CDH12: variants seen among roughly 807,000 people sequenced by gnomAD.
CDH12 encodes the protein cadherin 12.
A neutral mutation model predicts 74.1 loss-of-function variants in CDH12; 41 were observed. The observed-to-expected ratio is 0.55, with a 90% CI of 0.43 to 0.72. The LOEUF is 0.72. Among genes scored for constraint, CDH12 ranks in the 30% least tolerant of loss-of-function variants. The pLI is 0.00. For missense variants in CDH12, 945 were observed against 977.2 expected (o/e 0.97, Z 0.44); for synonymous variants, 399 against 355.0 (o/e 1.12, Z -1.39).
intron 1 of CDH12, among the ~76,000 whole-genome samples, chr5:22,684,912 T>C (rs549391881): frequency 1.3e-5 from 2 of 152,266 alleles, no homozygotes; most frequent in East Asian, 3.9e-4. Flanking sequence ...GAACCAGACA[T>C]GACACATGAG....
intron 1 of CDH12, among the ~76,000 whole-genome samples, chr5:22,668,634 G>C (rs11743765): frequency 0.57 from 85,958 of 151,786 alleles, 24,558 homozygotes; most frequent in Non-Finnish European, 0.59. Context: ...AAAGTCATCA[G>C]TCTCTCTCTT....
chr5:22,812,222 G>A (rs770466070), intron 1 of CDH12, among the ~76,000 whole-genome samples: 19 of 152,074 alleles, frequency 1.2e-4, no homozygotes, highest in Admixed American at 4.6e-4. Flanking sequence ...GAGGCTCTCC[G>A]CTCAGCCTTC....
chr5:22,117,568 T>C (rs1217731437), intron 4 of CDH12, among the ~76,000 whole-genome samples: 1 of 130,246 alleles, frequency 7.7e-6, no homozygotes, highest in Non-Finnish European at 1.6e-5. Context: ...TTTGTGTGTG[T>C]ATCTCTGCCA....
rs537404470 is a variant in CDH12 at position 21,971,552 on chromosome 5, G to T, written c.526+3539C>A. 4.0e-3 allele frequency among the ~76,000 whole-genome samples: 605 copies of T among 152,146 alleles called. 10 individuals carry two copies. Among genetic ancestry groups the T allele is most frequent in the African/African-American group, 0.014 (572 of 41,506 alleles). On this transcript the variant is annotated intron_variant, in intron 6 of 14. Coordinates refer to ENST00000382254, the MANE Select transcript of CDH12 (RefSeq NM_004061.5). ...TATCTAATTATAAATAGTCAAATCA[G>T]CTGACTCAAGGTGGCATAGCTCAAG...
intron 2 of CDH12, among the ~76,000 whole-genome samples, chr5:22,462,902 A>G (rs963980391): frequency 1.3e-5 from 2 of 152,228 alleles, no homozygotes; most frequent in Non-Finnish European, 2.9e-5. Context: ...AAGGAGTTTT[A>G]AAAATCATGA....
At chr5:22,276,374 C>A (rs1736634911) in intron 3 of CDH12, among the ~76,000 whole-genome samples, 1 of 152,084 alleles carries the variant, frequency 6.6e-6, no homozygotes, top group South Asian at 2.1e-4. Context: ...ATAAAACATC[C>A]ATAAGATACG....
At chr5:21,892,341 T>C (rs1008018771) in intron 6 of CDH12, among the ~76,000 whole-genome samples, 1 of 152,176 alleles carries the variant, frequency 6.6e-6, no homozygotes, top group African/African-American at 2.4e-5. Flanking sequence ...TTGTTTGATA[T>C]GAACTTTCCT....
At chr5:22,735,311 C>G (rs1189424231) in intron 1 of CDH12, among the ~76,000 whole-genome samples, 1 of 151,770 alleles carries the variant, frequency 6.6e-6, no homozygotes, top group Non-Finnish European at 1.5e-5. Flanking sequence ...TTATGAGAAA[C>G]TAGCCATTTA....
intron 1 of CDH12, among the ~76,000 whole-genome samples, chr5:22,806,544 C>T (rs1176952840): frequency 6.6e-6 from 1 of 151,766 alleles, no homozygotes; most frequent in South Asian, 2.1e-4. Flanking sequence ...TTAGTAGAGA[C>T]GGGGTTTCAC....
chr5:22,767,952 G>T (rs936252865), intron 1 of CDH12, among the ~76,000 whole-genome samples: 1 of 151,880 alleles, frequency 6.6e-6, no homozygotes. Context: ...TTAAAGAGAA[G>T]AAAGTATTTT....
At chr5:22,094,551 G>T (rs1316606444) in intron 4 of CDH12, among the ~76,000 whole-genome samples, 2 of 152,136 alleles carry the variant, frequency 1.3e-5, no homozygotes, top group Admixed American at 6.6e-5. Flanking sequence ...TGGCCTGTAA[G>T]TAGGTAGTCA....
chr5:22,590,158 T>C (rs1484517815), intron 1 of CDH12, among the ~76,000 whole-genome samples: 1 of 152,176 alleles, frequency 6.6e-6, no homozygotes, highest in Non-Finnish European at 1.5e-5. Context: ...AATGATAATT[T>C]GACTTAACAG....
intron 8 of CDH12, among the ~76,000 whole-genome samples, chr5:21,824,576 G>A (rs531156115): frequency 2.6e-5 from 4 of 152,194 alleles, no homozygotes; most frequent in African/African-American, 9.6e-5. Context: ...ACACAGCCTT[G>A]TTCTCTTTTC....
At chr5:22,295,744 TAAGAAA>T (rs1211138588) in intron 3 of CDH12, among the ~76,000 whole-genome samples, 1 of 152,026 alleles carries the variant, frequency 6.6e-6, no homozygotes, top group Non-Finnish European at 1.5e-5. Context: ...AACTAAACAT[TAAGAAA>T]AATAAGGTAC....
chr5:22,034,732 GA>G (rs1397265679), intron 5 of CDH12, among the ~76,000 whole-genome samples: 2 of 152,038 alleles, frequency 1.3e-5, no homozygotes, highest in African/African-American at 4.8e-5. Context: ...TCTTCCAGGT[GA>G]AAAAAATTCA....
intron 5 of CDH12, among the ~76,000 whole-genome samples, chr5:22,048,763 G>A (rs1479317811): frequency 6.6e-6 from 1 of 152,008 alleles, no homozygotes; most frequent in Non-Finnish European, 1.5e-5. Context: ...TGCAGAACAT[G>A]AGAAATACAA....
chr5:22,585,575 G>T (rs1740353661), intron 1 of CDH12, among the ~76,000 whole-genome samples: 1 of 151,898 alleles, frequency 6.6e-6, no homozygotes, highest in Non-Finnish European at 1.5e-5. Flanking sequence ...TAATCTCTAT[G>T]TCTCTTAACT....
At chr5:22,453,951 AT>A (rs1208145595) in intron 2 of CDH12, among the ~76,000 whole-genome samples, 2 of 152,140 alleles carry the variant, frequency 1.3e-5, no homozygotes, top group African/African-American at 4.8e-5. Flanking sequence ...GGTATTTTCT[AT>A]TATGTTGTTA....
chr5:22,064,856 T>G (rs971434784), intron 5 of CDH12, among the ~76,000 whole-genome samples: 2 of 152,116 alleles, frequency 1.3e-5, no homozygotes, highest in African/African-American at 4.8e-5. Flanking sequence ...GACGTGAGAT[T>G]GTTGGGAAAA....
Sources: gnomAD v4.1 joint callset for allele counts (sites outside exome capture counted in the v4.1 genomes callset) on GRCh38, gnomAD v4.1.1 for gene constraint, MANE v1.5 for transcripts, NCBI Gene and HGNC (gene_info 2026-07-23, HGNC 2026-07-21) for gene names.